The following ZMYM2 variants were observed in gnomAD, a reference collection of about 807,000 sequenced individuals.
ZMYM2 encodes zinc finger MYM-type containing 2, also known as zinc finger MYM-type protein 2.
ZMYM2 carries 56 observed loss-of-function variants against 162.8 expected under a neutral mutation model. The observed-to-expected ratio is 0.34, with a 90% CI of 0.28 to 0.43. The LOEUF (loss-of-function observed/expected upper bound fraction) is 0.43, where lower values mean the gene tolerates loss of function less well. Among genes scored for constraint, ZMYM2 ranks in the 20% least tolerant of loss-of-function variants. The pLI is 1.00. For synonymous variants in ZMYM2, 510 were observed against 541.6 expected, an observed-to-expected ratio of 0.94 and a Z score of 0.81; for missense variants, 1,275 against 1,621.8, an observed-to-expected ratio of 0.79 and a Z score of 3.67.
At chr13:19,883,274 G>A in the ZMYM2 span, among the ~76,000 whole-genome samples, 1 of 152,146 alleles carries the variant, frequency 6.6e-6, no homozygotes, top group Admixed American at 6.5e-5. Flanking sequence ...TATTTAATGG[G>A]TACTGGATTT....
At chr13:19,977,946 G>T (rs978219411) in intron 2 of ZMYM2, among the ~76,000 whole-genome samples, 3 of 147,234 alleles carry the variant, frequency 2.0e-5, no homozygotes, top group African/African-American at 7.6e-5. Context: ...GCACAATCTC[G>T]GCTCACTGCA....
chr13:19,876,100 C>T, the ZMYM2 span, among the ~76,000 whole-genome samples: 1 of 151,136 alleles, frequency 6.6e-6, no homozygotes, highest in Admixed American at 6.6e-5. Flanking sequence ...GATCTTGGCT[C>T]ACTGCAATCT....
intron 2 of ZMYM2, among the ~76,000 whole-genome samples, chr13:19,982,933 T>A (rs1012017341): frequency 2.2e-4 from 33 of 152,090 alleles, no homozygotes; most frequent in African/African-American, 4.8e-4. Flanking sequence ...TCGTTTTTTT[T>A]AAAAAAACCC....
At chr13:19,868,824 C>A in the ZMYM2 span, among the ~76,000 whole-genome samples, 1 of 152,124 alleles carries the variant, frequency 6.6e-6, no homozygotes, top group Non-Finnish European at 1.5e-5. Context: ...AATATCGGCT[C>A]ACTGCAACTT....
Position 19,985,776 on chromosome 13 carries a change from T to TGA in ZMYM2, c.-10-7285_-10-7284dup, listed in dbSNP as rs772072376. On this transcript the variant is annotated intron_variant, in intron 2 of 24. Coordinates refer to ENST00000610343, the MANE Select transcript of ZMYM2 (RefSeq NM_197968.4). ...CTGTAGTCCCAGCTACTCGGGAGGC[T>TGA]GAGGCACAAGAATTACTTGAACCCT... 7.6e-4 allele frequency among the ~76,000 whole-genome samples: 116 copies of TGA among 151,898 alleles called. 1 individual carries two copies. Among genetic ancestry groups the TGA allele is most frequent in the Non-Finnish European group, 1.3e-3 (89 of 67,962 alleles).
intron 16 of ZMYM2, among the ~76,000 whole-genome samples, chr13:20,059,811 G>C (rs963907942): frequency 6.6e-6 from 1 of 151,886 alleles, no homozygotes; most frequent in Non-Finnish European, 1.5e-5. Context: ...TAAGGTAGGC[G>C]TATCTTCAGC....
chr13:20,021,367 CT>C (rs77767226), intron 7 of ZMYM2, among the ~76,000 whole-genome samples: 82,978 of 108,664 alleles, frequency 0.76, 31,434 homozygotes, highest in Admixed American at 0.84. Context: ...TGTTTTCCTG[CT>C]TTTTTTTTTT....
chr13:19,977,615 C>T (rs542184215), intron 2 of ZMYM2, among the ~76,000 whole-genome samples: 8 of 75,586 alleles, frequency 1.1e-4, no homozygotes, highest in African/African-American at 1.5e-4. Context: ...GCCTCAGCCT[C>T]CTCAGTAGCT....
At chr13:19,896,541 G>C in the ZMYM2 span, among the ~76,000 whole-genome samples, 1 of 150,486 alleles carries the variant, frequency 6.6e-6, no homozygotes, top group African/African-American at 2.5e-5. Flanking sequence ...CAGATCACAA[G>C]GTCAGGAGAT....
At chr13:20,043,398 C>G (rs550047273) in intron 12 of ZMYM2, among the ~76,000 whole-genome samples, 20 of 152,256 alleles carry the variant, frequency 1.3e-4, no homozygotes, top group African/African-American at 4.8e-4. Flanking sequence ...CTAGTTGGTG[C>G]TGGGGTGCCT....
At chr13:19,878,517 C>CTTTTTT in the ZMYM2 span, among the ~76,000 whole-genome samples, 1 of 99,028 alleles carries the variant, frequency 1.0e-5, no homozygotes, top group African/African-American at 3.5e-5. Context: ...TTCCTTTGCC[C>CTTTTTT]TTTTTTTTTT....
At chr13:19,884,827 A>T in the ZMYM2 span, among the ~76,000 whole-genome samples, 185 of 152,090 alleles carry the variant, frequency 1.2e-3, no homozygotes, top group Non-Finnish European at 2.3e-3. Context: ...CAAACATTCC[A>T]GCAGTAAAAG....
chr13:19,925,092 C>T, the ZMYM2 span, among the ~76,000 whole-genome samples: 1 of 152,130 alleles, frequency 6.6e-6, no homozygotes, highest in South Asian at 2.1e-4. Flanking sequence ...CCATGTTGGT[C>T]AGGCTGGTCT....
chr13:19,985,226 C>T (rs913029472), intron 2 of ZMYM2, among the ~76,000 whole-genome samples: 6 of 152,096 alleles, frequency 3.9e-5, no homozygotes, highest in African/African-American at 9.7e-5. Context: ...CTGGCTCAAG[C>T]GATCCTCCCA....
At chr13:20,059,602 G>A (rs1163708057) in intron 16 of ZMYM2, 40 bp downstream of exon 16, 3 of 926,942 alleles carry the variant, frequency 3.2e-6, no homozygotes, top group Non-Finnish European at 5.4e-6. Flanking sequence ...TTGAGATTTA[G>A]CAGACACAGT....
intron 24 of ZMYM2, 27 bp from the exon 25 acceptor site, chr13:20,085,795 T>C (rs1044566712): frequency 1.1e-5 from 17 of 1,563,500 alleles, no homozygotes; most frequent in African/African-American, 1.4e-5. Context: ...AAATTGACTT[T>C]TTCTCTTTTT....
the ZMYM2 span, among the ~76,000 whole-genome samples, chr13:19,901,944 T>C: frequency 6.6e-6 from 1 of 152,054 alleles, no homozygotes; most frequent in African/African-American, 2.4e-5. Context: ...GCATGCACCA[T>C]TATGCCTGGC....
At chr13:19,957,156 A>G (rs538588953), upstream of ZMYM2, among the ~76,000 whole-genome samples, 14 of 152,256 alleles carry the variant, frequency 9.2e-5, no homozygotes, top group African/African-American at 2.6e-4. Context: ...ATTTTTTTTA[A>G]TGAGTGAATG....
At chr13:19,973,529 G>C (rs1304452287) in intron 2 of ZMYM2, among the ~76,000 whole-genome samples, 1 of 151,742 alleles carries the variant, frequency 6.6e-6, no homozygotes, top group East Asian at 1.9e-4. Flanking sequence ...AAATTAGCAG[G>C]GCGTGGTGGT....
Sources: gnomAD v4.1 joint callset for allele counts (sites outside exome capture counted in the v4.1 genomes callset) on GRCh38, gnomAD v4.1.1 for gene constraint, MANE v1.5 for transcripts, NCBI Gene and HGNC (gene_info 2026-07-23, HGNC 2026-07-21) for gene names.